NBAS: variants seen among roughly 807,000 people sequenced by gnomAD.
NBAS encodes NAG/BC035112 fusion.
A neutral mutation model predicts 302.5 loss-of-function variants in NBAS; 219 were observed. The observed-to-expected ratio is 0.72, with a 90% CI of 0.65 to 0.81. The LOEUF (loss-of-function observed/expected upper bound fraction) is 0.81, where lower values mean the gene tolerates loss of function less well. Among genes scored for constraint, NBAS ranks in the 30% least tolerant of loss-of-function variants. The probability of loss-of-function intolerance (pLI) is 0.00; values close to 1 mark genes in which losing one functional copy is unlikely to be tolerated. For missense variants in NBAS, 2,932 were observed against 2,841.6 expected (o/e 1.03, Z -0.72); for synonymous variants, 1,118 against 1,021.6 (o/e 1.09, Z -1.80).
intron 31 of NBAS, among the ~76,000 whole-genome samples, chr2:15,368,089 A>G (rs1458571130): frequency 6.6e-6 from 1 of 151,954 alleles, no homozygotes; most frequent in Non-Finnish European, 1.5e-5. Flanking sequence ...ACACACAAAT[A>G]TACATACACA....
chr2:15,432,465 A>T (rs932090612), intron 21 of NBAS, among the ~76,000 whole-genome samples: 1 of 152,186 alleles, frequency 6.6e-6, no homozygotes, highest in African/African-American at 2.4e-5. Context: ...TAATATAACA[A>T]GTTCTATTAT....
intron 38 of NBAS, among the ~76,000 whole-genome samples, chr2:15,323,701 G>C (rs961984741): frequency 6.6e-6 from 1 of 151,972 alleles, no homozygotes; most frequent in African/African-American, 2.4e-5. Context: ...TGGGCATGGT[G>C]GTGCGCACCT....
At chr2:15,407,103 T>C (rs1236476911) in intron 25 of NBAS, among the ~76,000 whole-genome samples, 3 of 152,196 alleles carry the variant, frequency 2.0e-5, no homozygotes, top group Non-Finnish European at 2.9e-5. Flanking sequence ...CTGCTTGTAA[T>C]TGCAAAAATA....
intron 51 of NBAS, 34 bp from the exon 52 acceptor site, chr2:15,167,357 G>A: frequency 1.2e-6 from 2 of 1,613,132 alleles, no homozygotes; most frequent in Non-Finnish European, 1.7e-6. Context: ...GCGTGAGGGG[G>A]TGTTTGCTTT....
the NBAS span, among the ~76,000 whole-genome samples, chr2:15,058,988 AT>A: frequency 6.6e-6 from 1 of 152,094 alleles, no homozygotes; most frequent in South Asian, 2.1e-4. Context: ...CTTCTAGCCC[AT>A]CTGTTTGAGC....
At chr2:14,841,651 C>T in the NBAS span, among the ~76,000 whole-genome samples, 27 of 151,930 alleles carry the variant, frequency 1.8e-4, no homozygotes, top group South Asian at 2.1e-4. Flanking sequence ...AATCTCTATA[C>T]ACTCAATACA....
At chr2:15,045,762 C>A in the NBAS span, among the ~76,000 whole-genome samples, 2 of 152,130 alleles carry the variant, frequency 1.3e-5, no homozygotes, top group African/African-American at 4.8e-5. Flanking sequence ...AGTAGTTCTA[C>A]GCCAAATTTT....
intron 21 of NBAS, among the ~76,000 whole-genome samples, chr2:15,452,025 C>T (rs989484978): frequency 3.4e-5 from 5 of 148,790 alleles, no homozygotes; most frequent in South Asian, 4.3e-4. Flanking sequence ...AATAAATGAA[C>T]AAGTACTGTA....
the NBAS span, among the ~76,000 whole-genome samples, chr2:15,159,676 C>G: frequency 1.3e-5 from 2 of 152,026 alleles, no homozygotes; most frequent in Non-Finnish European, 2.9e-5. Flanking sequence ...AGAAAAAGTT[C>G]TGGAGATTGG....
At chr2:15,379,145 A>T (rs1457243102) in intron 30 of NBAS, among the ~76,000 whole-genome samples, 2 of 151,750 alleles carry the variant, frequency 1.3e-5, no homozygotes, top group Non-Finnish European at 2.9e-5. Context: ...AATTTCAGCC[A>T]GGAAGTGACT....
At chr2:15,177,694 A>G (rs185463106) in intron 51 of NBAS, among the ~76,000 whole-genome samples, 21 of 152,332 alleles carry the variant, frequency 1.4e-4, no homozygotes, top group Admixed American at 3.3e-4. Context: ...TCTTGGATTT[A>G]TAAGAAAAAA....
intron 44 of NBAS, among the ~76,000 whole-genome samples, chr2:15,273,575 GT>G (rs954748780): frequency 6.6e-6 from 1 of 152,146 alleles, no homozygotes; most frequent in African/African-American, 2.4e-5. Context: ...CTAAGCCTCA[GT>G]TTGCTCATCT....
chr2:14,793,525 G>C, the NBAS span, among the ~76,000 whole-genome samples: 1 of 152,008 alleles, frequency 6.6e-6, no homozygotes, highest in Non-Finnish European at 1.5e-5. Flanking sequence ...ACAGAAAGTA[G>C]ACTGAAAAAA....
chr2:15,057,336 G>T, the NBAS span, among the ~76,000 whole-genome samples: 1 of 145,174 alleles, frequency 6.9e-6, no homozygotes. Flanking sequence ...AACTGTTGCA[G>T]GATAGCTGAG....
At chr2:15,278,246 TA>T (rs1407246652) in intron 42 of NBAS, among the ~76,000 whole-genome samples, 4 of 152,226 alleles carry the variant, frequency 2.6e-5, no homozygotes, top group Non-Finnish European at 5.9e-5. Flanking sequence ...AAGTAATTTT[TA>T]AAAACTGGTC....
chr2:15,102,344 C>G, the NBAS span, among the ~76,000 whole-genome samples: 1 of 152,166 alleles, frequency 6.6e-6, no homozygotes, highest in African/African-American at 2.4e-5. Context: ...TCAGGACACA[C>G]CCAGGAACTG....
chr2:15,431,632 T>C (rs1192232952), intron 21 of NBAS, among the ~76,000 whole-genome samples: 3 of 152,074 alleles, frequency 2.0e-5, no homozygotes, highest in Non-Finnish European at 4.4e-5. Flanking sequence ...AAATTTAAGA[T>C]TGGAATATAG....
intron 35 of NBAS, among the ~76,000 whole-genome samples, chr2:15,333,054 A>G (rs1004054634): frequency 6.6e-6 from 1 of 152,220 alleles, no homozygotes; most frequent in Non-Finnish European, 1.5e-5. Flanking sequence ...TTACAAAATA[A>G]TAACAACTTT....
chr2:14,982,402 A>G, the NBAS span, among the ~76,000 whole-genome samples: 1 of 152,230 alleles, frequency 6.6e-6, no homozygotes, highest in Admixed American at 6.5e-5. Context: ...TTATGCAGCA[A>G]TAAGTAACTA....
Sources: allele counts gnomAD v4.1 joint callset (sites outside exome capture counted in the v4.1 genomes callset), GRCh38; gene constraint gnomAD v4.1.1; transcripts MANE v1.5; gene names NCBI Gene and HGNC (gene_info 2026-07-23, HGNC 2026-07-21).